The following NDST1 variants were observed in gnomAD, a reference collection of about 807,000 sequenced individuals.
NDST1 encodes N-deacetylase and N-sulfotransferase 1, also known as bifunctional heparan sulfate N-deacetylase/N-sulfotransferase 1.
Under a neutral mutation model 92.8 loss-of-function variants are expected in NDST1, and 35 were observed. The observed-to-expected ratio is 0.38, with a 90% confidence interval of 0.29 to 0.50. NDST1 has a LOEUF of 0.50. NDST1 is among the 20% of genes least tolerant of loss of function. NDST1 has a pLI of 0.94. For missense variants in NDST1, 822 were observed against 1,182.7 expected (o/e 0.69, Z 4.47); for synonymous variants, 493 against 500.3 (o/e 0.99, Z 0.19).
At chr5:150,527,616 T>A (rs1372155680) in intron 2 of NDST1, among the ~76,000 whole-genome samples, 188 bp from the exon 3 acceptor site, 1 of 152,214 alleles carries the variant, frequency 6.6e-6, no homozygotes, top group East Asian at 1.9e-4. Context: ...TGCCTGGCTT[T>A]GGTAAGTGAG....
rs1755842876 is a variant in NDST1, at chr5:150,555,085, G to A, written c.*1753G>A. 6.5e-6 allele frequency: 1 copy of A among 152,926 alleles called. No homozygotes were observed. Among genetic ancestry groups the A allele is most frequent in the Non-Finnish European group, 1.5e-5 (1 of 68,278 alleles). 9.5% of individuals were successfully genotyped at this position (152,926 alleles called of 1,614,324 possible). ...GACGTCATGGAGCCAGCTGGGAGCA[G>A]GGCTGAGCGTTGAACCCGAGGCTCC... On this transcript the variant is annotated 3_prime_UTR_variant, in exon 15 of 15. Coordinates refer to ENST00000261797, the MANE Select transcript of NDST1 (RefSeq NM_001543.5).
rs767696902 is a variant in NDST1 at position 150,548,278 on chromosome 5, G to T, written c.2206G>T (p.Ala736Ser). The T allele has an allele frequency of 1.2e-6, 2 of 1,614,124 alleles. No individual in the cohort carries two copies. Among genetic ancestry groups the T allele is most frequent in the East Asian group, 4.5e-5 (2 of 44,882 alleles). Reference protein sequence around the residue: ...LKYTFHEVITAGSDASSKLRA... With the variant: ...LKYTFHEVITSGSDASSKLRA... ...GTACACCTTCCATGAGGTGATTACC[G>T]CCGGCTCTGACGCATCCTCGAAGCT... Residue 736 changes from alanine (A) to serine (S), a missense_variant, in exon 12 of 15, where the codon GCC becomes TCC. Physicochemically the swap from Ala to Ser is moderately conservative, Grantham distance 99. Coordinates refer to ENST00000261797, the MANE Select transcript of NDST1 (RefSeq NM_001543.5).
rs1754233151 is a variant in NDST1, at chr5:150,521,389, G to C, written c.135G>C (p.Leu45=). The C allele has an allele frequency of 6.2e-7, 1 of 1,613,438 alleles. No homozygotes were observed. Among genetic ancestry groups the C allele is most frequent in the Non-Finnish European group, 8.5e-7 (1 of 1,179,918 alleles). The stretch of plus-strand genomic sequence containing the variant: ...ACCTATATGGCTGGAAGCGAGGCCT[G>C]GAGCCCTCGGCGGATGCCCCCGAGC... The part of the protein sequence containing the change: ...AYYLYGWKRG[L]EPSADAPEPD... Residue 45 remains leucine (L), a synonymous_variant, in exon 2 of 15, where the codon CTG becomes CTC. Transcript: ENST00000261797. This position sits in a 1 kb window ranked among gnomAD's most constrained non-coding sequence, Gnocchi z 5.9.
intron 7 of NDST1, chr5:150,539,814 C>A: frequency 1.0e-6 from 1 of 982,660 alleles, no homozygotes; most frequent in Non-Finnish European, 1.2e-6. Flanking sequence ...TGCACCCCAC[C>A]CCTAACATTT....
intron 11 of NDST1, among the ~76,000 whole-genome samples, chr5:150,545,990 T>C (rs1001382899): frequency 1.6e-5 from 2 of 125,948 alleles, no homozygotes; most frequent in African/African-American, 5.9e-5. Flanking sequence ...ACCAGAGCTG[T>C]CTTTTTTTTT....
intron 10 of NDST1, among the ~76,000 whole-genome samples, chr5:150,544,128 T>C (rs1037912916): frequency 2.0e-5 from 3 of 152,222 alleles, no homozygotes; most frequent in African/African-American, 7.2e-5. Context: ...AAATCTAGTG[T>C]GGTCAGATGA....
chr5:150,542,247 C>A (rs901653192), intron 9 of NDST1, among the ~76,000 whole-genome samples: 2 of 152,184 alleles, frequency 1.3e-5, no homozygotes, highest in Non-Finnish European at 2.9e-5. Context: ...ACTCTATAGC[C>A]TCCTTCTCTT....
At position 150,542,940 on chromosome 5, in the gene NDST1, A is replaced by G. The variant is rs757740184; in HGVS notation, c.1939A>G (p.Asn647Asp). The G allele has an allele frequency of 3.1e-6, 5 of 1,613,936 alleles. No individual in the cohort carries two copies. The Admixed American group carries it at 6.7e-5, about 22-fold the overall frequency. Residue 647 changes from asparagine to aspartate, a missense_variant, in exon 10 of 15, where the codon AAT (asparagine) becomes GAT (aspartate). Asn to Asp is a conservative substitution (Grantham distance 23). Transcript: ENST00000261797. ...GACCTTTGAGGAGATCCAGTTTTTT[A>G]ATGGCCACAACTATCACAAAGGCAT... ...SETFEEIQFF[N>D]GHNYHKGIDW...
At chr5:150,505,943 G>A (rs372106687), upstream of NDST1, among the ~76,000 whole-genome samples, 3 of 151,966 alleles carry the variant, frequency 2.0e-5, no homozygotes. Flanking sequence ...ACCATGCCTG[G>A]CTTCATGATT....
chr5:150,514,005 G>C (rs933067885), intron 1 of NDST1, among the ~76,000 whole-genome samples: 1 of 152,244 alleles, frequency 6.6e-6, no homozygotes, highest in African/African-American at 2.4e-5. Flanking sequence ...GCTGGGACTA[G>C]GGCTAGGGGA....
chr5:150,528,728 G>A (rs1754584786), intron 3 of NDST1, among the ~76,000 whole-genome samples: 1 of 152,214 alleles, frequency 6.6e-6, no homozygotes, highest in African/African-American at 2.4e-5. Context: ...CCAGGAGGTG[G>A]AGGTTGCAGT....
chr5:150,520,043 G>C (rs1024075932), intron 1 of NDST1, among the ~76,000 whole-genome samples: 1 of 152,162 alleles, frequency 6.6e-6, no homozygotes, highest in African/African-American at 2.4e-5. Context: ...TTGGTCATCT[G>C]TTGTCCTGGG....
chr5:150,521,498 G>A lies in NDST1; in HGVS notation c.244G>A (p.Asp82Asn), dbSNP rs896177805. The A allele has an allele frequency of 1.2e-6, 2 of 1,613,894 alleles. No individual in the cohort carries two copies. The highest frequency in any genetic ancestry group is 1.7e-5 in the Admixed American group (1 of 60,010). The change falls in exon 2 of 15, where the codon GAC becomes AAC. Residue 82 changes from aspartate to asparagine, a missense_variant. Coordinates refer to ENST00000261797, the MANE Select transcript of NDST1 (RefSeq NM_001543.5). The surrounding 1 kb of genome is among the most constrained non-coding windows in gnomAD (Gnocchi z 5.9). Reference sequence around the variant, plus strand: ...GCAGGCAGCCACCCCTTCCCGCACAGACCCGTTGGTGCTGGTCTTTGTGGA... The same window carrying A: ...GCAGGCAGCCACCCCTTCCCGCACAAACCCGTTGGTGCTGGTCTTTGTGGA... Reference protein sequence around the residue: ...PVQAATPSRTDPLVLVFVESL... With the variant: ...PVQAATPSRTNPLVLVFVESL...
chr5:150,538,153 G>T (rs907570837), intron 6 of NDST1, among the ~76,000 whole-genome samples: 8 of 152,192 alleles, frequency 5.3e-5, no homozygotes, highest in Non-Finnish European at 1.2e-4. Context: ...GAAGCGGGCT[G>T]TGCTGGCTGT....
rs116216623 is a variant in NDST1, at chr5:150,501,978, G to T, written c.-388+3739G>T. 5.5e-3 allele frequency among the ~76,000 whole-genome samples: 831 copies of T among 152,332 alleles called. 15 individuals carry two copies. Among genetic ancestry groups the T allele is most frequent in the African/African-American group, 0.019 (799 of 41,568 alleles). ...GAGGGAGCTGCAGGGCAAAGGCGCT[G>T]GAACTGGAGGGCATGGGTGGCCAGA... On this transcript the variant is annotated intron_variant, in intron 1 of 1. Coordinates refer to the NDST1 transcript ENST00000518299.
chr5:150,553,855 C>T lies in NDST1; in HGVS notation c.*523C>T. The T allele has an allele frequency of 2.3e-6, 1 of 432,038 alleles. No individual in the cohort carries two copies. Among genetic ancestry groups the T allele is most frequent in the Non-Finnish European group, 4.1e-6 (1 of 244,476 alleles). The allele number at this position is 432,038 out of a possible 1,614,324, so 26.8% of individuals were successfully genotyped here. A position where few individuals can be genotyped will look rare whatever the true frequency, so the allele number is the denominator to read the frequency against. Reference sequence around the variant, plus strand: ...TCCTAGGCTGGATGGGAGGGTGGCCCCCTCAAGAGGACTCCCAGCCTCCAC... The same window carrying T: ...TCCTAGGCTGGATGGGAGGGTGGCCTCCTCAAGAGGACTCCCAGCCTCCAC... On this transcript the variant is annotated 3_prime_UTR_variant, in exon 15 of 15. Coordinates refer to ENST00000261797, the MANE Select transcript of NDST1 (RefSeq NM_001543.5). This position sits in a 1 kb window ranked among gnomAD's most constrained non-coding sequence, Gnocchi z 4.2.
In NDST1 at chr5:150,540,198, G is replaced by A. The variant is rs1238995496; in HGVS notation, c.1683G>A (p.Leu561=). 4 of 1,614,054 alleles carry A rather than the reference G, an allele frequency of 2.5e-6. No homozygotes were observed. Among genetic ancestry groups the A allele is most frequent in the African/African-American group, 2.7e-5 (2 of 74,942 alleles). The change falls in exon 8 of 15, where the codon CTG becomes CTA. Residue 561 remains leucine (L), a synonymous_variant. Coordinates refer to ENST00000261797, the MANE Select transcript of NDST1 (RefSeq NM_001543.5). ...GGACGAACCTCCGGCTGCAGACACT[G>A]CCCCCTGTGCAGTTGGCGCAGAAGT... ...HSWTNLRLQT[L]PPVQLAQKYF...
chr5:150,532,999 A>G lies in NDST1; in HGVS notation c.1063A>G (p.Asn355Asp). 1.9e-6 allele frequency: 3 copies of G among 1,614,132 alleles called. No individual in the cohort carries two copies. Among genetic ancestry groups the G allele is most frequent in the Non-Finnish European group, 2.5e-6 (3 of 1,180,018 alleles). Residue 355 changes from asparagine to aspartate, a missense_variant, in exon 4 of 15, where the codon AAC becomes GAC. Transcript: ENST00000261797. The part of the protein sequence containing the change: ...LRAHIPNFTF[N>D]LGYSGKFFHT... ...CGCACACATCCCAAACTTCACCTTC[A>G]ACCTGGGCTACTCAGGGAAATTCTT...
intron 3 of NDST1, 66 bp downstream of exon 3, chr5:150,528,364 C>T: frequency 6.5e-7 from 1 of 1,528,030 alleles, no homozygotes; most frequent in Non-Finnish European, 8.8e-7. Flanking sequence ...CTTCAGGTGC[C>T]CCATCGTGGG....
Sources: allele counts gnomAD v4.1 joint callset (sites outside exome capture counted in the v4.1 genomes callset), GRCh38; gene constraint gnomAD v4.1.1; non-coding constraint Gnocchi (gnomAD v3.1); transcripts MANE v1.5; gene names NCBI Gene and HGNC (gene_info 2026-07-23, HGNC 2026-07-21).